IGF1: variants seen among roughly 807,000 people sequenced by gnomAD.
The protein encoded by IGF1 is insulin-like growth factor 1.
A neutral mutation model predicts 13.8 loss-of-function variants in IGF1; 4 were observed. That is an observed-to-expected ratio of 0.29 (90% CI 0.14 to 0.66). The LOEUF is 0.66. IGF1 is among the 30% of genes least tolerant of loss of function. The probability of loss-of-function intolerance (pLI) is 0.78; values close to 1 mark genes in which losing one functional copy is unlikely to be tolerated. For synonymous variants in IGF1, 76 were observed against 72.6 expected (o/e 1.05, Z -0.23); for missense variants, 124 against 188.5 (o/e 0.66, Z 2.00).
intron 2 of IGF1, among the ~76,000 whole-genome samples, chr12:102,438,422 C>G (rs758747744): frequency 9.2e-5 from 14 of 152,194 alleles, no homozygotes; most frequent in Non-Finnish European, 2.1e-4. Context: ...TAGGAAACGG[C>G]TGTAAACGTT....
At chr12:102,479,491 G>A (rs184858070) in intron 1 of IGF1, among the ~76,000 whole-genome samples, 123 of 152,084 alleles carry the variant, frequency 8.1e-4, no homozygotes, top group African/African-American at 2.6e-3. Context: ...ACGAGAAGTC[G>A]GTGCACTGAC....
At chr12:102,404,267 A>C (rs559360951) in intron 3 of IGF1, among the ~76,000 whole-genome samples, 1 of 152,210 alleles carries the variant, frequency 6.6e-6, no homozygotes, top group Non-Finnish European at 1.5e-5. Context: ...TATTGTGAGG[A>C]GCTAAAGCAC....
At chr12:102,417,024 C>T (rs555392494) in intron 3 of IGF1, among the ~76,000 whole-genome samples, 3 of 152,118 alleles carry the variant, frequency 2.0e-5, no homozygotes, top group South Asian at 4.2e-4. Flanking sequence ...ACCTACAAGC[C>T]GAGGGGAGGA....
At chr12:102,458,742 A>AAAAAAAAAC (rs1555247546) in intron 2 of IGF1, among the ~76,000 whole-genome samples, 1 of 150,538 alleles carries the variant, frequency 6.6e-6, no homozygotes, top group African/African-American at 2.5e-5. Flanking sequence ...AAAAAAAAAA[A>AAAAAAAAAC]AAAAACCAAA....
intron 3 of IGF1, among the ~76,000 whole-genome samples, chr12:102,415,515 C>T (rs191525902): frequency 5.7e-5 from 8 of 140,802 alleles, no homozygotes; most frequent in Admixed American, 7.2e-5. Context: ...CATTCTTTAA[C>T]TAGAAAGTCT....
chr12:102,399,787 A>C lies in IGF1; in HGVS notation c.*2720T>G, dbSNP rs1873527142. ...ATTATCACATCTAACTATGACAGAA[A>C]ACACGTTAAGTCTGCAGAAGACTGC... On this transcript the variant is annotated 3_prime_UTR_variant, in exon 4 of 4. Coordinates refer to ENST00000337514, the MANE Select transcript of IGF1 (RefSeq NM_000618.5). 6.6e-6 allele frequency: 1 copy of C among 152,172 alleles called. No individual in the cohort carries two copies. Among genetic ancestry groups the C allele is most frequent in the Non-Finnish European group, 1.5e-5 (1 of 68,012 alleles). 9.4% of individuals were successfully genotyped at this position (152,172 alleles called of 1,614,324 possible).
At chr12:102,419,838 G>A in intron 2 of IGF1, 148 bp from the exon 3 acceptor site, 1 of 753,526 alleles carries the variant, frequency 1.3e-6, no homozygotes, top group South Asian at 1.5e-5. Context: ...AATGATTCCT[G>A]ACCCCACGTA....
In IGF1 at chr12:102,400,439, C is replaced by T. The variant is rs571705999; in HGVS notation, c.*2068G>A. 67 of 152,218 alleles carry T rather than the reference C, an allele frequency of 4.4e-4. No individual in the cohort carries two copies. The highest frequency in any genetic ancestry group is 1.6e-3 in the African/African-American group (66 of 41,542). 9.4% of individuals were successfully genotyped at this position (152,218 alleles called of 1,614,324 possible). On this transcript the variant is annotated 3_prime_UTR_variant, in exon 4 of 4. Transcript: ENST00000337514. ...CCAATTTTCAGTTGAATGGATAAAACACATTCACAGAGAGCTAGGGGCTAC... is the reference window on the plus strand; with the variant it reads ...CCAATTTTCAGTTGAATGGATAAAATACATTCACAGAGAGCTAGGGGCTAC...
At chr12:102,466,024 T>G (rs2137224216) in intron 2 of IGF1, among the ~76,000 whole-genome samples, 1 of 152,276 alleles carries the variant, frequency 6.6e-6, no homozygotes, top group Non-Finnish European at 1.5e-5. Flanking sequence ...CCAGGTGGTC[T>G]CAATCAAACT....
At position 102,480,439 on chromosome 12, in the gene IGF1, A is replaced by G. The variant is rs1881334553; in HGVS notation, c.-58T>C. Reference sequence around the variant, plus strand: ...GGTTAGCAGGAATAATGAAGCAAAAAGAAATCCAGAGAGATGGGAGATGTT... The same window carrying G: ...GGTTAGCAGGAATAATGAAGCAAAAGGAAATCCAGAGAGATGGGAGATGTT... On this transcript the variant is annotated 5_prime_UTR_variant, in exon 1 of 4. Transcript: ENST00000337514. The G allele has an allele frequency of 6.2e-7, 1 of 1,610,808 alleles. No homozygotes were observed. Among genetic ancestry groups the G allele is most frequent in the Non-Finnish European group, 8.5e-7 (1 of 1,178,900 alleles).
chr12:102,478,074 A>G (rs1881177918), intron 1 of IGF1, among the ~76,000 whole-genome samples: 1 of 150,006 alleles, frequency 6.7e-6, no homozygotes, highest in South Asian at 2.1e-4. Context: ...CAGAACCTCT[A>G]GTGCATTTTC....
chr12:102,402,188 A>G lies in IGF1; in HGVS notation c.*319T>C, dbSNP rs573848468. 1.1e-5 allele frequency: 2 copies of G among 180,870 alleles called. No individual in the cohort carries two copies. Among genetic ancestry groups the G allele is most frequent in the Non-Finnish European group, 2.3e-5 (2 of 87,236 alleles). The allele number at this position is 180,870 out of a possible 1,614,324, so 11.2% of individuals were successfully genotyped here. On this transcript the variant is annotated 3_prime_UTR_variant, in exon 4 of 4. Transcript: ENST00000337514. The stretch of plus-strand genomic sequence containing the variant: ...AATTTAGTGCAACTGGATCTATACA[A>G]CACCCATGCATTTGTGGCTCTTGAG...
chr12:102,455,869 A>C (rs1157657058), intron 2 of IGF1, among the ~76,000 whole-genome samples: 4 of 152,216 alleles, frequency 2.6e-5, no homozygotes, highest in African/African-American at 4.8e-5. Flanking sequence ...AACACAATCA[A>C]GGACAAGAAG....
At chr12:102,414,581 C>T (rs1874921228) in intron 3 of IGF1, among the ~76,000 whole-genome samples, 1 of 151,938 alleles carries the variant, frequency 6.6e-6, no homozygotes, top group African/African-American at 2.4e-5. Context: ...GCCACCATGC[C>T]CAGGTAATTT....
intron 2 of IGF1, among the ~76,000 whole-genome samples, chr12:102,438,345 G>A (rs1276799969): frequency 1.3e-5 from 2 of 152,134 alleles, no homozygotes; most frequent in African/African-American, 2.4e-5. Flanking sequence ...GACACCTAAG[G>A]ATCCAAGAGA....
chr12:102,458,411 A>G (rs559063783), intron 2 of IGF1, among the ~76,000 whole-genome samples: 1 of 152,258 alleles, frequency 6.6e-6, no homozygotes, highest in East Asian at 1.9e-4. Flanking sequence ...AACAAAAAGG[A>G]TCATGTTCTG....
intron 3 of IGF1, among the ~76,000 whole-genome samples, chr12:102,410,326 C>A (rs761630929): frequency 3.6e-4 from 55 of 152,138 alleles, no homozygotes; most frequent in Non-Finnish European, 7.2e-4. Flanking sequence ...ATTTTATGGG[C>A]AGCTTGTTTG....
intron 2 of IGF1, among the ~76,000 whole-genome samples, chr12:102,433,432 T>C (rs1876923714): frequency 6.6e-6 from 1 of 152,202 alleles, no homozygotes; most frequent in Non-Finnish European, 1.5e-5. Context: ...TCAGAGAAAT[T>C]GTTGAAGTCT....
chr12:102,445,909 C>T (rs751886990), intron 2 of IGF1, among the ~76,000 whole-genome samples: 3 of 152,120 alleles, frequency 2.0e-5, no homozygotes, highest in Non-Finnish European at 4.4e-5. Flanking sequence ...TATGTTCCAT[C>T]AATACCTAGT....
Sources: allele counts gnomAD v4.1 joint callset (sites outside exome capture counted in the v4.1 genomes callset), GRCh38; gene constraint gnomAD v4.1.1; transcripts MANE v1.5; gene names NCBI Gene and HGNC (gene_info 2026-07-23, HGNC 2026-07-21).